SYNE2: variants seen among roughly 807,000 people sequenced by gnomAD.
SYNE2 encodes nesprin-2.
SYNE2 carries 431 observed loss-of-function variants against 856.3 expected under a neutral mutation model. The observed-to-expected ratio is 0.50, with a 90% CI of 0.47 to 0.55. The LOEUF is 0.55. Ranked by LOEUF, SYNE2 falls within the 20% of genes least tolerant of loss-of-function variation. The pLI is 0.00. For synonymous variants in SYNE2, 2,923 were observed against 2,872.3 expected (o/e 1.02, Z -0.56); for missense variants, 8,129 against 8,023.2 (o/e 1.01, Z -0.50).
chr14:63,903,261 G>A (rs1009286689), intron 1 of SYNE2, among the ~76,000 whole-genome samples: 22 of 152,110 alleles, frequency 1.4e-4, no homozygotes, highest in African/African-American at 4.3e-4. Flanking sequence ...CTAACACTTC[G>A]AATTGATTCA....
chr14:63,986,743 A>G (rs1231117367), intron 19 of SYNE2, 126 bp downstream of exon 19: 2 of 1,058,872 alleles, frequency 1.9e-6, no homozygotes, highest in Non-Finnish European at 2.8e-6. Context: ...GGGAGTTTTA[A>G]AAATGAATGG....
Position 64,212,961 on chromosome 14 carries a change from G to A in SYNE2, c.19012G>A (p.Gly6338Arg). The A allele has an allele frequency of 6.2e-7, 1 of 1,614,152 alleles. No individual in the cohort carries two copies. The highest frequency in any genetic ancestry group is 8.5e-7 in the Non-Finnish European group (1 of 1,180,032). ...ELHRYCQEVF[G>R]RVSRFHRRLT... ...CCACCGCTACTGCCAGGAGGTGTTT[G>A]GAAGGGTCTCCCGGTTCCACCGGCG... Residue 6338 changes from glycine to arginine, a missense_variant, in exon 105 of 116, where the codon GGA becomes AGA. Gly to Arg is a moderately radical substitution (Grantham distance 125). Transcript: ENST00000555002.
At position 64,191,824 on chromosome 14, in the gene SYNE2, A is replaced by C. The variant is rs1463290747; in HGVS notation, c.18038+1587A>C. Among the ~76,000 whole-genome samples the C allele has an allele frequency of 2.6e-5, 4 of 152,254 alleles. No individual in the cohort carries two copies. The East Asian group carries it at 7.7e-4, about 29-fold the overall frequency. ...CATGATGGAAACCTAAGTAAGGATT[A>C]AGAGCACAAGTTTTGAACCATTCTT... On this transcript the variant is annotated intron_variant, in intron 99 of 115. Transcript: ENST00000555002.
At chr14:63,837,428 GA>G (rs920153770) in intron 1 of SYNE2, among the ~76,000 whole-genome samples, 8 of 151,772 alleles carry the variant, frequency 5.3e-5, no homozygotes, top group Non-Finnish European at 7.4e-5. Flanking sequence ...AGCAACAAAA[GA>G]AAAAAATAGA....
chr14:64,184,329 G>GGGGTGTGTGTGT (rs1555532246), intron 96 of SYNE2, among the ~76,000 whole-genome samples: 19 of 144,254 alleles, frequency 1.3e-4, no homozygotes, highest in East Asian at 8.3e-4. Flanking sequence ...TATGCATAGG[G>GGGGTGTGTGTGT]GTGTGTGTGT....
intron 45 of SYNE2, among the ~76,000 whole-genome samples, chr14:64,038,980 G>C (rs2097126503): frequency 6.6e-6 from 1 of 152,198 alleles, no homozygotes; most frequent in Non-Finnish European, 1.5e-5. Flanking sequence ...GATGGCAGAG[G>C]AGAGTGACAG....
intron 47 of SYNE2, among the ~76,000 whole-genome samples, chr14:64,051,236 A>G (rs532745474): frequency 2.8e-4 from 43 of 151,958 alleles, no homozygotes; most frequent in Middle Eastern, 3.5e-3. Flanking sequence ...AATTTACAAA[A>G]TATTTTTATG....
At chr14:64,000,817 T>C in intron 28 of SYNE2, 98 bp downstream of exon 28, 1 of 1,133,078 alleles carries the variant, frequency 8.8e-7, no homozygotes, top group Non-Finnish European at 1.3e-6. Context: ...GTATGTTATT[T>C]TATTTGGATG....
At chr14:63,878,023 G>C (rs12894035) in intron 1 of SYNE2, among the ~76,000 whole-genome samples, 8,624 of 152,094 alleles carry the variant, frequency 0.057, 269 homozygotes, top group Middle Eastern at 0.1. Context: ...TTGAGTAGCT[G>C]GGACTACAGG....
chr14:64,062,632 A>G (rs2097326290), intron 49 of SYNE2, 119 bp from the exon 50 acceptor site: 8 of 1,054,824 alleles, frequency 7.6e-6, no homozygotes, highest in African/African-American at 1.6e-5. Context: ...CCTAGCAAAA[A>G]CGAAAGTTGT....
Position 64,130,166 on chromosome 14 carries a change from T to C in SYNE2, c.14258T>C (p.Ile4753Thr), listed in dbSNP as rs201177760. 36 of 1,614,066 alleles carry C rather than the reference T, an allele frequency of 2.2e-5. 1 individual carries two copies. In the East Asian group the frequency reaches 4.5e-4, roughly 20 times the overall value. The change falls in exon 76 of 116, where the codon ATT becomes ACT. Residue 4753 changes from isoleucine to threonine, a missense_variant. Ile to Thr is a moderately conservative substitution (Grantham distance 89). Transcript: ENST00000555002. ...LLQGMVELVK[I>T]GKEKLAHGHL... The stretch of plus-strand genomic sequence containing the variant: ...CAAGGCATGGTGGAACTGGTGAAGA[T>C]TGGGAAGGAAAAGCTTGCTCATGGC...
At chr14:63,980,951 T>C in intron 15 of SYNE2, 35 bp from the exon 16 acceptor site, 1 of 1,441,436 alleles carries the variant, frequency 6.9e-7, no homozygotes, top group East Asian at 2.3e-5. Flanking sequence ...AAAATTGTTT[T>C]CTAAGATTAC....
chr14:64,109,170 A>G (rs113699055), intron 65 of SYNE2, among the ~76,000 whole-genome samples: 22 of 151,828 alleles, frequency 1.4e-4, no homozygotes, highest in African/African-American at 4.8e-4. Flanking sequence ...TGTAGCTTCA[A>G]TGGTGTTTTA....
chr14:64,198,968 G>A (rs2098550665), intron 99 of SYNE2, among the ~76,000 whole-genome samples: 1 of 152,150 alleles, frequency 6.6e-6, no homozygotes, highest in Non-Finnish European at 1.5e-5. Context: ...ACCTCTCTGG[G>A]AAGAAGTCCT....
Position 64,202,976 on chromosome 14 carries a change from G to A in SYNE2, c.18201+13G>A. 3.1e-6 allele frequency: 5 copies of A among 1,613,970 alleles called. No homozygotes were observed. The highest frequency in any genetic ancestry group is 4.2e-6 in the Non-Finnish European group (5 of 1,180,042). ...CGCTGAGCAGCAGGTGGGACAATCA[G>A]AAATGAGCTCTTGCAAGAGTACGGT... is the stretch of plus-strand genomic sequence containing the variant. On this transcript the variant is annotated intron_variant, in intron 100 of 115. Transcript: ENST00000555002.
At chr14:64,127,405 AAAAAAAG>A (rs1487666548) in intron 73 of SYNE2, among the ~76,000 whole-genome samples, 2 of 152,152 alleles carry the variant, frequency 1.3e-5, no homozygotes, top group Non-Finnish European at 2.9e-5. Flanking sequence ...ATCCCATCTC[AAAAAAAG>A]AAAAAAGTAA....
intron 7 of SYNE2, among the ~76,000 whole-genome samples, chr14:63,950,970 T>C (rs2096145796): frequency 6.6e-6 from 1 of 152,000 alleles, no homozygotes; most frequent in Admixed American, 6.5e-5. Context: ...GAATGCCCAA[T>C]TAAAAATTGG....
intron 80 of SYNE2, among the ~76,000 whole-genome samples, chr14:64,141,105 T>C (rs535532861): frequency 5.9e-5 from 9 of 152,310 alleles, no homozygotes; most frequent in African/African-American, 1.2e-4. Flanking sequence ...TAATGACTTA[T>C]TTTTAAAAAT....
intron 96 of SYNE2, among the ~76,000 whole-genome samples, chr14:64,185,384 G>A (rs1375066460): frequency 6.6e-6 from 1 of 152,066 alleles, no homozygotes; most frequent in Non-Finnish European, 1.5e-5. Context: ...TAAAAATCTG[G>A]TAGACTCTTG....
Sources: allele counts gnomAD v4.1 joint callset (sites outside exome capture counted in the v4.1 genomes callset), GRCh38; gene constraint gnomAD v4.1.1; transcripts MANE v1.5; gene names NCBI Gene and HGNC (gene_info 2026-07-23, HGNC 2026-07-21).